The following TTC29 variants were observed in gnomAD, a reference collection of about 807,000 sequenced individuals.
TTC29 encodes tetratricopeptide repeat domain 29.
In TTC29, 49 loss-of-function variants were observed where a neutral mutation model predicts 58.1. That is an observed-to-expected ratio of 0.84 (90% CI 0.67 to 1.07). The LOEUF is 1.07. Among genes scored for constraint, TTC29 ranks in the 50% least tolerant of loss-of-function variants. The pLI is 0.00. For missense variants in TTC29, 582 were observed against 555.6 expected (o/e 1.05, Z -0.48); for synonymous variants, 209 against 196.8 (o/e 1.06, Z -0.52).
intron 8 of TTC29, among the ~76,000 whole-genome samples, chr4:146,863,400 T>C (rs1730370933): frequency 6.6e-6 from 1 of 152,092 alleles, no homozygotes; most frequent in Non-Finnish European, 1.5e-5. Flanking sequence ...CTATTAACTC[T>C]CTCTCTAGGA....
intron 11 of TTC29, among the ~76,000 whole-genome samples, chr4:146,794,115 C>T (rs1749663694): frequency 6.6e-6 from 1 of 152,080 alleles, no homozygotes; most frequent in African/African-American, 2.4e-5. Flanking sequence ...TAAAAAAATA[C>T]TATATTCACA....
Position 146,732,640 on chromosome 4 carries a change from G to T in TTC29, c.1331-25089C>A, listed in dbSNP as rs556988081. ...GGTGGAAGACAAGACCATTGAAGGA[G>T]AAGAGGTCAAGGAAGTGAGAGAAGA... On this transcript the variant is annotated intron_variant, in intron 11 of 12. Coordinates refer to ENST00000325106, the MANE Select transcript of TTC29 (RefSeq NM_031956.4). 2.0e-5 allele frequency among the ~76,000 whole-genome samples: 3 copies of T among 152,262 alleles called. No individual in the cohort carries two copies. The South Asian group carries it at 6.2e-4, about 32-fold the overall frequency.
intron 11 of TTC29, among the ~76,000 whole-genome samples, chr4:146,780,347 G>A (rs1398707184): frequency 6.9e-6 from 1 of 145,170 alleles, no homozygotes; most frequent in African/African-American, 2.6e-5. Flanking sequence ...GTGTGTGTGT[G>A]TAGATGTCAA....
intron 2 of TTC29, among the ~76,000 whole-genome samples, chr4:146,942,295 G>T (rs1000184225): frequency 6.6e-6 from 1 of 152,150 alleles, no homozygotes; most frequent in African/African-American, 2.4e-5. Flanking sequence ...CCTTTAAAGG[G>T]TCTATGCTTT....
chr4:146,939,072 CTTG>C (rs1204608053), intron 3 of TTC29, among the ~76,000 whole-genome samples: 2 of 152,150 alleles, frequency 1.3e-5, no homozygotes, highest in African/African-American at 4.8e-5. Flanking sequence ...GGAGCTGATT[CTTG>C]CCTGCCAATC....
chr4:146,754,617 T>C (rs973494739), intron 11 of TTC29, among the ~76,000 whole-genome samples: 5 of 152,152 alleles, frequency 3.3e-5, no homozygotes, highest in South Asian at 4.1e-4. Context: ...TGGTTTAACA[T>C]ATGCAAATCA....
intron 6 of TTC29, among the ~76,000 whole-genome samples, chr4:146,896,060 A>C (rs1201652735): frequency 1.3e-5 from 2 of 152,158 alleles, no homozygotes; most frequent in Admixed American, 6.6e-5. Flanking sequence ...AAAATTACTA[A>C]TGTGCGATTT....
intron 11 of TTC29, among the ~76,000 whole-genome samples, chr4:146,762,978 G>T (rs532948203): frequency 1.1e-4 from 17 of 152,142 alleles, no homozygotes; most frequent in Non-Finnish European, 2.4e-4. Flanking sequence ...CAATTCCCTA[G>T]GGCGGAAGTT....
intron 11 of TTC29, among the ~76,000 whole-genome samples, chr4:146,799,183 CT>C (rs1490635154): frequency 6.6e-6 from 1 of 152,092 alleles, no homozygotes; most frequent in Non-Finnish European, 1.5e-5. Flanking sequence ...CCAGATTCTT[CT>C]TTTTCTTTGT....
intron 2 of TTC29, among the ~76,000 whole-genome samples, chr4:146,941,084 G>T (rs1295537823): frequency 3.9e-5 from 6 of 152,206 alleles, no homozygotes; most frequent in Non-Finnish European, 8.8e-5. Flanking sequence ...AGAGGAAGAA[G>T]TGTGGACATG....
intron 11 of TTC29, among the ~76,000 whole-genome samples, chr4:146,714,368 G>A (rs1165454126): frequency 6.6e-6 from 1 of 151,904 alleles, no homozygotes; most frequent in Non-Finnish European, 1.5e-5. Flanking sequence ...ACCTCAAAAT[G>A]AAGAAAGAAA....
chr4:146,836,958 C>G (rs1728551839), intron 8 of TTC29, among the ~76,000 whole-genome samples: 1 of 152,022 alleles, frequency 6.6e-6, no homozygotes, highest in Admixed American at 6.6e-5. Flanking sequence ...GGGCTAGAAA[C>G]AGAACTACCA....
chr4:146,773,559 G>A (rs1184018468), intron 11 of TTC29, among the ~76,000 whole-genome samples: 1 of 151,942 alleles, frequency 6.6e-6, no homozygotes, highest in Non-Finnish European at 1.5e-5. Flanking sequence ...GCATACCAGA[G>A]CTTACAGACT....
chr4:146,908,432 TACTA>T (rs1195785981), intron 5 of TTC29, among the ~76,000 whole-genome samples: 1 of 152,202 alleles, frequency 6.6e-6, no homozygotes, highest in Non-Finnish European at 1.5e-5. Context: ...TTGGAATGTA[TACTA>T]ACTTTCTGGA....
chr4:146,897,084 C>T (rs1489836802), intron 6 of TTC29, among the ~76,000 whole-genome samples: 1 of 152,094 alleles, frequency 6.6e-6, no homozygotes. Flanking sequence ...TGGACAGTCT[C>T]CCCTTGGTTC....
chr4:146,840,402 A>T (rs1378923893), intron 8 of TTC29, among the ~76,000 whole-genome samples: 1 of 152,124 alleles, frequency 6.6e-6, no homozygotes, highest in Non-Finnish European at 1.5e-5. Context: ...GAACTCTTCC[A>T]GTATATTCCA....
chr4:146,867,303 T>A (rs1292668025), intron 8 of TTC29, among the ~76,000 whole-genome samples, 195 bp downstream of exon 8: 3 of 152,136 alleles, frequency 2.0e-5, no homozygotes, highest in Admixed American at 6.6e-5. Context: ...TACATACCAC[T>A]GTACCTTCAA....
chr4:146,880,974 G>A (rs1005950171), intron 6 of TTC29, among the ~76,000 whole-genome samples: 2 of 152,028 alleles, frequency 1.3e-5, no homozygotes, highest in African/African-American at 4.8e-5. Context: ...AGGAAAAAAA[G>A]AAGTTGCTCC....
chr4:146,921,221 A>T (rs940494688), intron 4 of TTC29, among the ~76,000 whole-genome samples: 1 of 151,396 alleles, frequency 6.6e-6, no homozygotes, highest in East Asian at 1.9e-4. Context: ...TGTATATATA[A>T]AAGATCTTGT....
Sources: gnomAD v4.1 joint callset for allele counts (sites outside exome capture counted in the v4.1 genomes callset) on GRCh38, gnomAD v4.1.1 for gene constraint, MANE v1.5 for transcripts, NCBI Gene and HGNC (gene_info 2026-07-23, HGNC 2026-07-21) for gene names.